The following MYO15B variants were observed in gnomAD, a reference collection of about 807,000 sequenced individuals.
MYO15B encodes myosin XVB.
MYO15B carries 207 observed loss-of-function variants against 119.3 expected under a neutral mutation model. The observed-to-expected ratio is 1.73, with a 90% confidence interval of 1.55 to 1.95. The LOEUF (loss-of-function observed/expected upper bound fraction) is 1.95, where lower values mean the gene tolerates loss of function less well. Among genes scored for constraint, MYO15B ranks in the 30% most tolerant of loss-of-function variants. The probability of loss-of-function intolerance (pLI) is 0.00; values close to 1 mark genes in which losing one functional copy is unlikely to be tolerated. For synonymous variants in MYO15B, 966 were observed against 498.9 expected, an observed-to-expected ratio of 1.94 and a Z score of -12.48; for missense variants, 2,264 against 1,203.1, an observed-to-expected ratio of 1.88 and a Z score of -13.04.
exon 42 of MYO15B, chr17:75,617,915 G>T (rs1366632116): frequency 7.1e-6 from 5 of 702,676 alleles, no homozygotes; most frequent in African/African-American, 7.0e-5. Context: ...TTGTTCCTAC[G>T]CAAGGAGGTG....
intron 29 of MYO15B, 127 bp downstream of exon 29, chr17:75,613,904 C>A: frequency 1.7e-6 from 1 of 605,544 alleles, no homozygotes; most frequent in Non-Finnish European, 3.0e-6. Context: ...GGCCAGACTG[C>A]AGATGGCGAT....
chr17:75,621,406 A>C, exon 51 of MYO15B: 1 of 700,310 alleles, frequency 1.4e-6, no homozygotes, highest in Non-Finnish European at 2.6e-6. Flanking sequence ...GCAGTACACC[A>C]AGGTGGGAGA....
intron 12 of MYO15B, 155 bp from the exon 13 acceptor site, chr17:75,596,305 G>T: frequency 3.3e-6 from 2 of 607,698 alleles, no homozygotes; most frequent in Non-Finnish European, 3.0e-6. Flanking sequence ...GGTAGCCCGT[G>T]TGCTGTGCCG....
exon 59 of MYO15B, chr17:75,624,833 G>A (rs1416230891): frequency 7.1e-6 from 5 of 703,034 alleles, no homozygotes; most frequent in African/African-American, 3.5e-5. Context: ...GGACCAGGAC[G>A]TGAGCCTGCA....
At chr17:75,621,368 C>A (rs904984329) in exon 51 of MYO15B, 1 of 701,316 alleles carries the variant, frequency 1.4e-6, no homozygotes, top group Non-Finnish European at 2.6e-6. Context: ...GATGGAGGTG[C>A]CGCAGGAAAG....
In MYO15B at chr17:75,594,709, C is replaced by G. The variant is rs1030995944; in HGVS notation, c.3114C>G (p.Pro1038=). The change falls in exon 11 of 64, where the codon CCC becomes CCG. Residue 1038 remains proline (P), a synonymous_variant. Transcript: ENST00000645453. ...CCTCCTCTGCCCTCCAGGAGACGCC[C>G]TATGGCCAGGTCTCGCGATCCCTGC... The G allele has an allele frequency of 7.1e-6, 5 of 702,966 alleles. No individual in the cohort carries two copies. The African/African-American group carries it at 8.7e-5, about 12-fold the overall frequency. The allele number at this position is 702,966 out of a possible 1,614,324, so 43.5% of individuals were successfully genotyped here.
intron 20 of MYO15B, 114 bp from the exon 21 acceptor site, chr17:75,605,750 G>T: frequency 3.1e-6 from 2 of 654,960 alleles, no homozygotes; most frequent in Non-Finnish European, 5.6e-6. Flanking sequence ...GGGCTGGACG[G>T]CAGGGCCAGA....
intron 14 of MYO15B, among the ~76,000 whole-genome samples, chr17:75,598,527 CAA>C (rs34267285): frequency 4.8e-5 from 1 of 20,646 alleles, no homozygotes; most frequent in Non-Finnish European, 1.1e-4. Flanking sequence ...GACTCCATCT[CAA>C]AAAAAAAAAA....
At position 75,592,875 on chromosome 17, in the gene MYO15B, G is replaced by T. The variant is rs535084467; in HGVS notation, c.2991+35G>T. ...CCCGTGGGCAGGGGCCATCTGGGGTGCTGGGTCTGTAGAATCAGGGCAGTG... is the reference window on the plus strand; with the variant it reads ...CCCGTGGGCAGGGGCCATCTGGGGTTCTGGGTCTGTAGAATCAGGGCAGTG... On this transcript the variant is annotated intron_variant, in intron 9 of 63. Coordinates refer to ENST00000645453, the Ensembl canonical transcript of MYO15B. The T allele has an allele frequency of 3.3e-5, 23 of 693,316 alleles. No homozygotes were observed. The African/African-American group carries it at 3.5e-4, about 11-fold the overall frequency. The allele number at this position is 693,316 out of a possible 1,614,324, so 42.9% of individuals were successfully genotyped here.
rs1054182420 is a variant in MYO15B, at chr17:75,624,354, C to T, written c.8368-16C>T. On this transcript the variant is annotated splice_polypyrimidine_tract_variant and intron_variant, in intron 56 of 63. Coordinates refer to ENST00000645453, the Ensembl canonical transcript of MYO15B. ...GGAGACCACTGGCCGACTGACCCTG[C>T]AACCTGCCTTGGCAGAAAGGACAAG... 10 of 702,592 alleles carry T rather than the reference C, an allele frequency of 1.4e-5. No individual in the cohort carries two copies. Among genetic ancestry groups the T allele is most frequent in the Middle Eastern group, 2.3e-4 (1 of 4,392 alleles). 43.5% of individuals were successfully genotyped at this position (702,592 alleles called of 1,614,324 possible).
exon 23 of MYO15B, chr17:75,610,910 G>C: frequency 1.4e-6 from 1 of 703,074 alleles, no homozygotes. Flanking sequence ...CTTGGGCGTT[G>C]GCAGGGCTGG....
intron 28 of MYO15B, 36 bp downstream of exon 28, chr17:75,613,507 GA>G (rs1445870257): frequency 2.6e-5 from 17 of 664,602 alleles, no homozygotes; most frequent in Non-Finnish European, 4.6e-5. Context: ...TCCCAGGCCT[GA>G]AGTGGGGCCA....
intron 1 of MYO15B, 93 bp from the exon 2 acceptor site, chr17:75,590,533 T>C: frequency 2.9e-6 from 1 of 344,856 alleles, no homozygotes; most frequent in Non-Finnish European, 5.2e-6. Context: ...GGAAGTTGAA[T>C]GACTTGCCAG....
intron 41 of MYO15B, 55 bp from the exon 42 acceptor site, chr17:75,617,755 T>A: frequency 1.5e-6 from 1 of 667,568 alleles, no homozygotes. Context: ...CGTGCCCCCA[T>A]CACTCTGGCT....
At chr17:75,615,473 C>T (rs1245803018) in intron 34 of MYO15B, 30 bp from the exon 35 acceptor site, 2 of 678,496 alleles carry the variant, frequency 2.9e-6, no homozygotes, top group African/African-American at 1.8e-5. Context: ...CCATGGTGCC[C>T]ACCACTCTGG....
chr17:75,588,133 G>A, exon 1 of MYO15B: 1 of 398,208 alleles, frequency 2.5e-6, no homozygotes, highest in East Asian at 3.6e-5. Context: ...GCAGGAGTCG[G>A]GGTCGGCCAG....
intron 33 of MYO15B, 64 bp downstream of exon 33, chr17:75,615,106 G>A (rs1271904353): frequency 1.3e-5 from 9 of 688,438 alleles, no homozygotes; most frequent in Non-Finnish European, 2.1e-5. Flanking sequence ...GGCATGGCCT[G>A]GGACCCCTCT....
At chr17:75,591,750 G>T (rs2147709343) in intron 5 of MYO15B, 38 bp downstream of exon 5, 1 of 702,712 alleles carries the variant, frequency 1.4e-6, no homozygotes, top group Non-Finnish European at 2.6e-6. Flanking sequence ...GGGTTGAGCT[G>T]GCCGTCTGTC....
At chr17:75,626,031 C>T in intron 62 of MYO15B, 54 bp downstream of exon 62, 2 of 697,330 alleles carry the variant, frequency 2.9e-6, no homozygotes, top group South Asian at 1.5e-5. Context: ...GCTGTTCCAT[C>T]ACCCACAATG....
Sources: allele counts gnomAD v4.1 joint callset (sites outside exome capture counted in the v4.1 genomes callset), GRCh38; gene constraint gnomAD v4.1.1; transcripts MANE v1.5; gene names NCBI Gene and HGNC (gene_info 2026-07-23, HGNC 2026-07-21).